NUTM2E: variants seen among roughly 807,000 people sequenced by gnomAD.
NUTM2E encodes family with sequence similarity 22, member E.
NUTM2E carries 3 observed loss-of-function variants against 26.1 expected under a neutral mutation model. The observed-to-expected ratio is 0.12, with a 90% confidence interval of 0.05 to 0.30. The LOEUF is 0.30. NUTM2E is among the 10% of genes least tolerant of loss of function. The pLI, the probability that NUTM2E is intolerant of heterozygous loss-of-function variation, is 1.00. For synonymous variants in NUTM2E, 13 were observed against 157.5 expected, an observed-to-expected ratio of 0.08 and a Z score of 6.87; for missense variants, 62 against 381.3, an observed-to-expected ratio of 0.16 and a Z score of 6.97.
At chr10:79,839,487 C>G (rs1469716793) in intron 3 of NUTM2E, among the ~76,000 whole-genome samples, 141 bp from the exon 4 acceptor site, 4 of 151,612 alleles carry the variant, frequency 2.6e-5, no homozygotes, top group Non-Finnish European at 4.4e-5. Context: ...AACAATTCCA[C>G]GCTCCCCACC....
chr10:79,849,041 G>A lies in NUTM2E; in HGVS notation c.1734+146G>A. ...TCTGTGTATGTGATTGTGTGTGTCT[G>A]TGTGTTTGTGTCTGTGGTTTGTTAC... On this transcript the variant is annotated intron_variant, in intron 8 of 9. Coordinates refer to ENST00000429984, the MANE Select transcript of NUTM2E (RefSeq NM_001355263.2). 3.1e-6 allele frequency: 3 copies of A among 968,786 alleles called. No individual in the cohort carries two copies. The South Asian group carries it at 4.6e-5, about 15-fold the overall frequency. 60.0% of individuals were successfully genotyped at this position (968,786 alleles called of 1,614,324 possible). A position where few individuals can be genotyped will look rare whatever the true frequency, so the allele number is the denominator to read the frequency against.
chr10:79,836,472 A>G (rs1760375267), intron 1 of NUTM2E, among the ~76,000 whole-genome samples: 1 of 151,932 alleles, frequency 6.6e-6, no homozygotes, highest in Non-Finnish European at 1.5e-5. Flanking sequence ...ATAGCTACAT[A>G]AGAGTATTGT....
chr10:79,836,576 C>T (rs1170478888), intron 1 of NUTM2E, among the ~76,000 whole-genome samples: 8 of 151,864 alleles, frequency 5.3e-5, no homozygotes, highest in Admixed American at 5.3e-4. Flanking sequence ...CACTATTGTT[C>T]AGTAGCATAT....
rs71925965 is a variant in NUTM2E, at chr10:79,834,815, T to TACACAC, written c.-2727-3470_-2727-3465dup. Among the ~76,000 whole-genome samples the TACACAC allele has an allele frequency of 1.8e-3, 266 of 145,948 alleles. 3 individuals are homozygous for TACACAC. The highest frequency in any genetic ancestry group is 5.6e-3 in the South Asian group (25 of 4,472). ...AGTTGTGTTTTTATGACAGAATACC[T>TACACAC]ACACACACACACACACACACACACA... On this transcript the variant is annotated intron_variant, in intron 1 of 9. Coordinates refer to ENST00000429984, the MANE Select transcript of NUTM2E (RefSeq NM_001355263.2).
chr10:79,831,456 A>G (rs1387510389), intron 1 of NUTM2E, among the ~76,000 whole-genome samples: 2 of 151,138 alleles, frequency 1.3e-5, no homozygotes, highest in African/African-American at 4.9e-5. Flanking sequence ...TCTAAGTACA[A>G]ATTTCAAATG....
intron 1 of NUTM2E, among the ~76,000 whole-genome samples, chr10:79,836,952 A>G (rs1379926219): frequency 6.6e-6 from 1 of 151,942 alleles, no homozygotes. Context: ...TCTCCTCACA[A>G]TGAATAACAC....
intron 1 of NUTM2E, among the ~76,000 whole-genome samples, chr10:79,833,420 C>G (rs1039443814): frequency 6.6e-6 from 1 of 150,860 alleles, no homozygotes; most frequent in Non-Finnish European, 1.5e-5. Context: ...TCAGAGTGAA[C>G]AGGCAACCTA....
In NUTM2E at chr10:79,838,198, G is replaced by GCGAT. The variant is rs1304865520; in HGVS notation, c.-2727-110_-2727-107dup. On this transcript the variant is annotated intron_variant, in intron 1 of 9. Coordinates refer to ENST00000429984, the MANE Select transcript of NUTM2E (RefSeq NM_001355263.2). Reference sequence around the variant, plus strand: ...TTATTTGTAAATCCCACATAAGTAAGCGATTCTCATGGAAGCTTTTCTTGA... The same window carrying GCGAT: ...TTATTTGTAAATCCCACATAAGTAAGCGATCGATTCTCATGGAAGCTTTTCTTGA... 4.1e-5 allele frequency among the ~76,000 whole-genome samples: 6 copies of GCGAT among 145,342 alleles called. 1 individual carries two copies. Among genetic ancestry groups the GCGAT allele is most frequent in the Non-Finnish European group, 7.6e-5 (5 of 66,114 alleles).
At chr10:79,829,173 A>G (rs1001423575) in intron 1 of NUTM2E, among the ~76,000 whole-genome samples, 2 of 151,824 alleles carry the variant, frequency 1.3e-5, no homozygotes, top group African/African-American at 4.8e-5. Context: ...GGAACCATGT[A>G]AGGGTAAATA....
At chr10:79,830,762 C>A (rs1255252392) in intron 1 of NUTM2E, among the ~76,000 whole-genome samples, 1 of 151,690 alleles carries the variant, frequency 6.6e-6, no homozygotes, top group Non-Finnish European at 1.5e-5. Flanking sequence ...GTTTAAATAT[C>A]AGGACATTTA....
At position 79,838,470 on chromosome 10, in the gene NUTM2E, T is replaced by C. The variant is rs1841977658; in HGVS notation, c.-2566T>C. ...TTCTTTGCTGAACTGCATCACGGTT[T>C]CAACTGCTGAGGTTTTCTTCAAGCT... On this transcript the variant is annotated 5_prime_UTR_variant, in exon 2 of 10. Transcript: ENST00000429984. Among the ~76,000 whole-genome samples, 1 of 149,380 alleles carries C rather than the reference T, an allele frequency of 6.7e-6. No homozygotes were observed. The highest frequency in any genetic ancestry group is 6.7e-5 in the Admixed American group (1 of 14,914).
At chr10:79,836,364 T>A (rs1841963656) in intron 1 of NUTM2E, among the ~76,000 whole-genome samples, 1 of 151,950 alleles carries the variant, frequency 6.6e-6, no homozygotes, top group African/African-American at 2.4e-5. Context: ...TTACAAATAC[T>A]ATTTCTGAGG....
rs1018872701 is a variant in NUTM2E, at chr10:79,840,408, C to G, written c.-1333C>G. Reference sequence around the variant, plus strand: ...CAGAGGACAAAAGGCCTGGGAGCACCCAGACAGACAGTCACTGCATGGAGG... The same window carrying G: ...CAGAGGACAAAAGGCCTGGGAGCACGCAGACAGACAGTCACTGCATGGAGG... On this transcript the variant is annotated 5_prime_UTR_variant, in exon 4 of 10. Coordinates refer to ENST00000429984, the MANE Select transcript of NUTM2E (RefSeq NM_001355263.2). Among the ~76,000 whole-genome samples, 115 of 144,376 alleles carry G rather than the reference C, an allele frequency of 8.0e-4. 3 individuals carry two copies. Among genetic ancestry groups the G allele is most frequent in the Non-Finnish European group, 1.2e-3 (82 of 66,096 alleles). 94.7% of individuals were successfully genotyped at this position (144,376 alleles called of 152,430 possible). A position where few individuals can be genotyped will look rare whatever the true frequency, so the allele number is the denominator to read the frequency against.
chr10:79,835,064 T>G (rs1244317227), intron 1 of NUTM2E, among the ~76,000 whole-genome samples: 3 of 150,530 alleles, frequency 2.0e-5, no homozygotes, highest in Non-Finnish European at 4.4e-5. Context: ...TAATGTAGAC[T>G]GGCAGAGCCT....
At chr10:79,833,309 A>T (rs1240600699) in intron 1 of NUTM2E, among the ~76,000 whole-genome samples, 3 of 151,624 alleles carry the variant, frequency 2.0e-5, no homozygotes, top group Non-Finnish European at 4.4e-5. Flanking sequence ...GTGCATCAGA[A>T]CATACTCACT....
rs537781028 is a variant in NUTM2E at position 79,840,354 on chromosome 10, G to A, written c.-1387G>A. ...GGAGGTAGAGTTGCACAGTGGAAGA[G>A]GGCTGCATGTAAGAAGGCAGTTCTG... On this transcript the variant is annotated 5_prime_UTR_variant, in exon 4 of 10. Coordinates refer to ENST00000429984, the MANE Select transcript of NUTM2E (RefSeq NM_001355263.2). Among the ~76,000 whole-genome samples, 47 of 140,878 alleles carry A rather than the reference G, an allele frequency of 3.3e-4. No homozygotes were observed. The highest frequency in any genetic ancestry group is 1.2e-3 in the African/African-American group (46 of 37,558). 92.4% of individuals were successfully genotyped at this position (140,878 alleles called of 152,430 possible). A position where few individuals can be genotyped will look rare whatever the true frequency, so the allele number is the denominator to read the frequency against.
At chr10:79,833,267 G>T (rs950057612) in intron 1 of NUTM2E, among the ~76,000 whole-genome samples, 7 of 151,738 alleles carry the variant, frequency 4.6e-5, no homozygotes, top group African/African-American at 1.7e-4. Flanking sequence ...GTTACTCCAT[G>T]AAGAGAATAT....
intron 1 of NUTM2E, among the ~76,000 whole-genome samples, chr10:79,834,140 T>G (rs1841945577): frequency 6.6e-6 from 1 of 150,702 alleles, no homozygotes; most frequent in Non-Finnish European, 1.5e-5. Context: ...ATGTTCTCAC[T>G]CAGAAGTGGG....
intron 1 of NUTM2E, among the ~76,000 whole-genome samples, chr10:79,828,386 G>A (rs3124985): frequency 3.3e-5 from 5 of 151,880 alleles, no homozygotes; most frequent in African/African-American, 1.2e-4. Flanking sequence ...TTTTATGTCT[G>A]TAACAAGAAT....
Sources: gnomAD v4.1 joint callset for allele counts (sites outside exome capture counted in the v4.1 genomes callset) on GRCh38, gnomAD v4.1.1 for gene constraint, MANE v1.5 for transcripts, NCBI Gene and HGNC (gene_info 2026-07-23, HGNC 2026-07-21) for gene names.